CNTNAP4: variants seen among roughly 807,000 people sequenced by gnomAD.
The protein encoded by CNTNAP4 is contactin associated protein family member 4.
Under a neutral mutation model 148.4 loss-of-function variants are expected in CNTNAP4, and 98 were observed. That is an observed-to-expected ratio of 0.66 (90% CI 0.56 to 0.78). The LOEUF (loss-of-function observed/expected upper bound fraction) is 0.78. CNTNAP4 is among the 30% of genes least tolerant of loss of function. CNTNAP4 has a pLI of 0.00. For synonymous variants in CNTNAP4, 730 were observed against 565.1 expected, an observed-to-expected ratio of 1.29 and a Z score of -4.14; for missense variants, 1,935 against 1,565.6, an observed-to-expected ratio of 1.24 and a Z score of -3.98.
At chr16:76,457,850 G>A (rs147472910) in intron 8 of CNTNAP4, among the ~76,000 whole-genome samples, 2,432 of 151,366 alleles carry the variant, frequency 0.016, 30 homozygotes, top group Middle Eastern at 0.031. Context: ...TTGTTACATG[G>A]GTATATTGCA....
Position 76,452,687 on chromosome 16 carries a change from G to A in CNTNAP4, c.1251G>A (p.Gly417=). The change falls in exon 8 of 24, where the codon GGG becomes GGA. Residue 417 remains glycine, a synonymous_variant. Coordinates refer to ENST00000611870, the MANE Select transcript of CNTNAP4 (RefSeq NM_033401.5). ...TCAGTGAACTTCAGCTGATTTCAGG[G>A]GGTATCCTCCTCTTTCTGAGTGATG... ...LLFSELQLIS[G]GILLFLSDGK... 1.2e-6 allele frequency: 2 copies of A among 1,613,588 alleles called. No homozygotes were observed. Among genetic ancestry groups the A allele is most frequent in the East Asian group, 2.2e-5 (1 of 44,850 alleles).
At chr16:76,416,093 C>T (rs1181308446) in intron 3 of CNTNAP4, among the ~76,000 whole-genome samples, 1 of 151,072 alleles carries the variant, frequency 6.6e-6, no homozygotes, top group Non-Finnish European at 1.5e-5. Flanking sequence ...TCCATGGGCT[C>T]AATATTGGTG....
chr16:76,391,289 A>G (rs570136450), intron 3 of CNTNAP4, among the ~76,000 whole-genome samples: 20 of 152,254 alleles, frequency 1.3e-4, no homozygotes, highest in Admixed American at 1.2e-3. Flanking sequence ...TATGAACTCA[A>G]ATGTTCGCAT....
intron 6 of CNTNAP4, 98 bp downstream of exon 6, chr16:76,449,049 A>G: frequency 1.8e-6 from 2 of 1,135,748 alleles, no homozygotes; most frequent in Non-Finnish European, 2.6e-6. Context: ...CCTTTTCAGT[A>G]AATCATAGAA....
intron 4 of CNTNAP4, among the ~76,000 whole-genome samples, chr16:76,437,116 T>G (rs926601110): frequency 6.6e-6 from 1 of 151,830 alleles, no homozygotes; most frequent in Non-Finnish European, 1.5e-5. Flanking sequence ...GTCTGATGTT[T>G]GAGGGCAGGA....
At position 76,526,348 on chromosome 16, in the gene CNTNAP4, G is replaced by C. The variant is rs561007426; in HGVS notation, c.2755+4091G>C. 2.0e-5 allele frequency among the ~76,000 whole-genome samples: 3 copies of C among 152,080 alleles called. No individual in the cohort carries two copies. In the East Asian group the frequency reaches 5.8e-4, roughly 29 times the overall value. ...GGGAAACAAGATTGAGGTATATATC[G>C]GACCTTGTAGGGCCATGGCGAGGAC... On this transcript the variant is annotated intron_variant, in intron 17 of 23. Transcript: ENST00000611870.
intron 21 of CNTNAP4, among the ~76,000 whole-genome samples, chr16:76,550,991 C>T (rs537217791): frequency 2.0e-5 from 3 of 152,250 alleles, no homozygotes; most frequent in East Asian, 1.9e-4. Flanking sequence ...GTGATATAAT[C>T]GCTCTGATTT....
At chr16:76,462,167 C>T in intron 9 of CNTNAP4, 62 bp downstream of exon 9, 2 of 1,398,034 alleles carry the variant, frequency 1.4e-6, no homozygotes, top group Non-Finnish European at 2.0e-6. Context: ...GCCCCCGTGT[C>T]TTGGCGAAGT....
Position 76,342,979 on chromosome 16 carries a change from A to T in CNTNAP4, c.197-12339A>T, listed in dbSNP as rs146764508. Among the ~76,000 whole-genome samples, 809 of 152,268 alleles carry T rather than the reference A, an allele frequency of 5.3e-3. 6 individuals carry two copies. The highest frequency in any genetic ancestry group is 0.018 in the African/African-American group (767 of 41,556). ...TGTGCATTGAGCTGCTTCTGCTGGG[A>T]TGCCGTGTTTCAGCTGCCACATTCT... On this transcript the variant is annotated intron_variant, in intron 2 of 23. Coordinates refer to ENST00000611870, the MANE Select transcript of CNTNAP4 (RefSeq NM_033401.5).
At chr16:76,356,924 C>T (rs1168207447) in intron 3 of CNTNAP4, among the ~76,000 whole-genome samples, 1 of 151,962 alleles carries the variant, frequency 6.6e-6, no homozygotes, top group Non-Finnish European at 1.5e-5. Flanking sequence ...AGAAGTAGCC[C>T]TGCTCTTTCT....
At chr16:76,493,248 A>G (rs2082288255) in intron 13 of CNTNAP4, among the ~76,000 whole-genome samples, 1 of 152,174 alleles carries the variant, frequency 6.6e-6, no homozygotes, top group African/African-American at 2.4e-5. Context: ...TTTAGTGTCA[A>G]GTGATAATGA....
chr16:76,546,705 A>T (rs912115919), intron 21 of CNTNAP4, among the ~76,000 whole-genome samples: 1 of 152,186 alleles, frequency 6.6e-6, no homozygotes. Context: ...ATCTGTAGAA[A>T]ACCTGTCTTC....
At chr16:76,460,865 G>A (rs538387177) in intron 8 of CNTNAP4, among the ~76,000 whole-genome samples, 1 of 147,106 alleles carries the variant, frequency 6.8e-6, no homozygotes, top group Non-Finnish European at 1.5e-5. Flanking sequence ...TAAAAAGTCT[G>A]TGAACACTGA....
At position 76,302,581 on chromosome 16, in the gene CNTNAP4, C is replaced by G. The variant is rs116782916; in HGVS notation, c.86-13832C>G. On this transcript the variant is annotated intron_variant, in intron 1 of 23. Transcript: ENST00000611870. ...TGACCTTTAGACCTTTTGAAGGTCT[C>G]CCCTGATTAGGTCAACCCACTCAGG... is the stretch of plus-strand genomic sequence containing the variant. Among the ~76,000 whole-genome samples, 535 of 152,222 alleles carry G rather than the reference C, an allele frequency of 3.5e-3. 5 individuals carry two copies. Among genetic ancestry groups the G allele is most frequent in the African/African-American group, 0.013 (526 of 41,538 alleles).
chr16:76,300,485 C>A (rs993615290), intron 1 of CNTNAP4, among the ~76,000 whole-genome samples: 1 of 151,994 alleles, frequency 6.6e-6, no homozygotes, highest in African/African-American at 2.4e-5. Flanking sequence ...CACCATGGCA[C>A]GTGTATACCT....
At chr16:76,390,240 C>G (rs116430770) in intron 3 of CNTNAP4, among the ~76,000 whole-genome samples, 1 of 152,158 alleles carries the variant, frequency 6.6e-6, no homozygotes, top group African/African-American at 2.4e-5. Flanking sequence ...ATGGCAAAAC[C>G]TTCAGGTATA....
At position 76,527,586 on chromosome 16, in the gene CNTNAP4, A is replaced by G. The variant is rs141310645; in HGVS notation, c.2755+5329A>G. Among the ~76,000 whole-genome samples the G allele has an allele frequency of 4.7e-3, 719 of 152,320 alleles. 4 individuals carry two copies. The highest frequency in any genetic ancestry group is 0.017 in the African/African-American group (699 of 41,588). On this transcript the variant is annotated intron_variant, in intron 17 of 23. Coordinates refer to ENST00000611870, the MANE Select transcript of CNTNAP4 (RefSeq NM_033401.5). ...CTGAAAAGTAAGTACAGTTTTCAGC[A>G]TGACTTTATTCTTCTAATAAGAATG...
At chr16:76,519,975 G>C (rs1270666651) in intron 15 of CNTNAP4, among the ~76,000 whole-genome samples, 2 of 152,164 alleles carry the variant, frequency 1.3e-5, no homozygotes, top group Non-Finnish European at 2.9e-5. Flanking sequence ...CTGTATCTTG[G>C]TATCTGTTCT....
intron 23 of CNTNAP4, among the ~76,000 whole-genome samples, chr16:76,556,087 A>G (rs546926068): frequency 2.6e-5 from 4 of 152,298 alleles, no homozygotes; most frequent in African/African-American, 7.2e-5. Context: ...GGATTTTCCA[A>G]ATTGGCTAAT....
Sources: gnomAD v4.1 joint callset for allele counts (sites outside exome capture counted in the v4.1 genomes callset) on GRCh38, gnomAD v4.1.1 for gene constraint, MANE v1.5 for transcripts, NCBI Gene and HGNC (gene_info 2026-07-23, HGNC 2026-07-21) for gene names.